The following SLC35F3 variants were observed in gnomAD, a reference collection of about 807,000 sequenced individuals.
SLC35F3 encodes the protein solute carrier family 35 member F3.
A neutral mutation model predicts 49.9 loss-of-function variants in SLC35F3; 25 were observed. The ratio of observed to expected loss-of-function variants is 0.50; its 90% confidence interval spans 0.37 to 0.70. SLC35F3 has a LOEUF of 0.70. Ranked by LOEUF, SLC35F3 falls within the 30% of genes least tolerant of loss-of-function variation. The pLI, the probability that SLC35F3 is intolerant of heterozygous loss-of-function variation, is 0.00. For synonymous variants in SLC35F3, 275 were observed against 265.4 expected, an observed-to-expected ratio of 1.04 and a Z score of -0.35; for missense variants, 525 against 639.8, an observed-to-expected ratio of 0.82 and a Z score of 1.94.
chr1:233,907,914 T>C, intron 2 of SLC35F3, among the ~76,000 whole-genome samples: 1 of 152,118 alleles, frequency 6.6e-6, no homozygotes, highest in East Asian at 1.9e-4. Flanking sequence ...TTAGTAGAGA[T>C]GAGGTTTCAC....
At chr1:233,989,725 T>C (rs1663323502) in intron 2 of SLC35F3, among the ~76,000 whole-genome samples, 1 of 152,218 alleles carries the variant, frequency 6.6e-6, no homozygotes, top group Non-Finnish European at 1.5e-5. Flanking sequence ...GTAACCAGTT[T>C]AAAGATATTC....
At chr1:234,301,469 T>A (rs1420526493) in intron 3 of SLC35F3, among the ~76,000 whole-genome samples, 1 of 152,084 alleles carries the variant, frequency 6.6e-6, no homozygotes, top group Non-Finnish European at 1.5e-5. Flanking sequence ...ATCAGAGAAA[T>A]GCAAATCAAA....
At chr1:234,224,783 C>G (rs547816689) in intron 2 of SLC35F3, among the ~76,000 whole-genome samples, 39 of 152,202 alleles carry the variant, frequency 2.6e-4, no homozygotes, top group African/African-American at 8.9e-4. Context: ...GTCCAATATA[C>G]AAAAGAGAAA....
chr1:233,910,515 G>T (rs1265473383), intron 2 of SLC35F3, among the ~76,000 whole-genome samples: 2 of 152,220 alleles, frequency 1.3e-5, no homozygotes, highest in African/African-American at 4.8e-5. Flanking sequence ...AGAAGTGCTG[G>T]AAGAGGTGGC....
intron 2 of SLC35F3, among the ~76,000 whole-genome samples, chr1:234,030,689 C>A (rs542224422): frequency 7.2e-5 from 11 of 152,204 alleles, no homozygotes; most frequent in African/African-American, 2.6e-4. Context: ...ACTTTTTGAC[C>A]TACAAAAACA....
At chr1:234,260,693 G>A (rs1667889634) in intron 3 of SLC35F3, among the ~76,000 whole-genome samples, 1 of 152,124 alleles carries the variant, frequency 6.6e-6, no homozygotes, top group Non-Finnish European at 1.5e-5. Context: ...CTATAGAAGG[G>A]GGATAACAAA....
chr1:234,081,904 ATTTTTTTTTTTTTTTTT>A lies in SLC35F3; in HGVS notation c.284-149497_284-149481del, dbSNP rs781469880. On this transcript the variant is annotated intron_variant, in intron 2 of 7. Coordinates refer to ENST00000366618, the MANE Select transcript of SLC35F3 (RefSeq NM_173508.4). ...AGGCGCCTGCCACCATGCCTGGCTA[ATTTTTTTTTTTTTTTTT>A]TTTTTTTTTTTTTTTAGTAGAGACA... is the stretch of plus-strand genomic sequence containing the variant. Among the ~76,000 whole-genome samples the A allele has an allele frequency of 1.9e-3, 75 of 39,232 alleles. 1 individual carries two copies. Among genetic ancestry groups the A allele is most frequent in the East Asian group, 3.1e-3 (3 of 976 alleles). The allele number at this position is 39,232 out of a possible 152,430, so 25.7% of individuals were successfully genotyped here. A position where few individuals can be genotyped will look rare whatever the true frequency, so the allele number is the denominator to read the frequency against.
chr1:234,074,195 A>G (rs532021271), intron 2 of SLC35F3, among the ~76,000 whole-genome samples: 80 of 152,322 alleles, frequency 5.3e-4, no homozygotes, highest in Non-Finnish European at 9.4e-4. Context: ...ATGTACGTCA[A>G]GGTCACGGGT....
chr1:234,200,347 A>C (rs182029511), intron 2 of SLC35F3, among the ~76,000 whole-genome samples: 58 of 152,242 alleles, frequency 3.8e-4, no homozygotes, highest in Non-Finnish European at 1.5e-4. Context: ...GAGTTATAAG[A>C]GTTCTTCACA....
chr1:234,058,593 C>T (rs576255222), intron 2 of SLC35F3, among the ~76,000 whole-genome samples: 4 of 152,244 alleles, frequency 2.6e-5, no homozygotes, highest in African/African-American at 9.6e-5. Context: ...GATCCTCCCA[C>T]CTCAGGCTCC....
chr1:234,023,239 C>G (rs1663925490), intron 2 of SLC35F3, among the ~76,000 whole-genome samples: 1 of 152,084 alleles, frequency 6.6e-6, no homozygotes, highest in South Asian at 2.1e-4. Flanking sequence ...GGGCATTAGT[C>G]CTTGGAGAAA....
chr1:234,046,993 T>C lies in SLC35F3; in HGVS notation c.283+141235T>C, dbSNP rs561263916. On this transcript the variant is annotated intron_variant, in intron 2 of 7. Transcript: ENST00000366618. The surrounding 1 kb of genome is among the most constrained non-coding windows in gnomAD (Gnocchi z 4.4). Reference sequence around the variant, plus strand: ...ACTTCCTAACAGGTCAAATCCTCTATTTGGCTTTCTTCTTAGTCATGTCAA... The same window carrying C: ...ACTTCCTAACAGGTCAAATCCTCTACTTGGCTTTCTTCTTAGTCATGTCAA... Among the ~76,000 whole-genome samples, 181 of 152,362 alleles carry C rather than the reference T, an allele frequency of 1.2e-3. 1 individual carries two copies. The highest frequency in any genetic ancestry group is 4.2e-3 in the African/African-American group (173 of 41,586).
chr1:233,933,211 G>C (rs1420151400), intron 2 of SLC35F3, among the ~76,000 whole-genome samples: 14 of 152,130 alleles, frequency 9.2e-5, no homozygotes, highest in Admixed American at 7.2e-4. Flanking sequence ...TATGTTAATT[G>C]CAAGTTTTTA....
chr1:234,117,834 C>T (rs1292870800), intron 2 of SLC35F3, among the ~76,000 whole-genome samples: 4 of 149,304 alleles, frequency 2.7e-5, no homozygotes, highest in Admixed American at 6.8e-5. Flanking sequence ...TGCAGTGAGC[C>T]GAGATGGTGC....
intron 3 of SLC35F3, among the ~76,000 whole-genome samples, chr1:234,250,470 C>T (rs888637634): frequency 9.2e-5 from 14 of 151,676 alleles, no homozygotes; most frequent in Non-Finnish European, 1.8e-4. Flanking sequence ...CCGGCTAAAA[C>T]GGTGAAACCC....
At chr1:234,026,130 G>T (rs1663974755) in intron 2 of SLC35F3, among the ~76,000 whole-genome samples, 1 of 152,052 alleles carries the variant, frequency 6.6e-6, no homozygotes, top group Admixed American at 6.5e-5. Flanking sequence ...TTATTTCTGG[G>T]CTCTCTATTC....
In SLC35F3 at chr1:234,006,208, A is replaced by G. The variant is rs75748378; in HGVS notation, c.283+100450A>G. 4.0e-3 allele frequency among the ~76,000 whole-genome samples: 604 copies of G among 152,274 alleles called. 3 individuals are homozygous for G. The highest frequency in any genetic ancestry group is 0.011 in the African/African-American group (465 of 41,554). ...CTCAAGACTCTGTTTCCCCTTATAT[A>G]TGACTGATGGGAGAATAAATGGCTA... On this transcript the variant is annotated intron_variant, in intron 2 of 7. Coordinates refer to ENST00000366618, the MANE Select transcript of SLC35F3 (RefSeq NM_173508.4).
At chr1:234,024,158 C>T (rs1663941781) in intron 2 of SLC35F3, among the ~76,000 whole-genome samples, 1 of 151,966 alleles carries the variant, frequency 6.6e-6, no homozygotes, top group African/African-American at 2.4e-5. Context: ...TATAGGAACC[C>T]TTTATGCTAT....
intron 2 of SLC35F3, among the ~76,000 whole-genome samples, chr1:233,970,018 G>T (rs762440562): frequency 6.6e-6 from 1 of 152,220 alleles, no homozygotes; most frequent in Non-Finnish European, 1.5e-5. Context: ...CTCTGTCTAA[G>T]GGAGGCTTGG....
Sources: gnomAD v4.1 joint callset for allele counts (sites outside exome capture counted in the v4.1 genomes callset) on GRCh38, gnomAD v4.1.1 for gene constraint, Gnocchi (gnomAD v3.1) non-coding constraint, MANE v1.5 for transcripts, NCBI Gene and HGNC (gene_info 2026-07-23, HGNC 2026-07-21) for gene names.